MNT: variants seen among roughly 807,000 people sequenced by gnomAD.
The protein encoded by MNT is max-binding protein MNT.
In MNT, 13 loss-of-function variants were observed where a neutral mutation model predicts 40.7. The observed-to-expected ratio is 0.32, with a 90% CI of 0.21 to 0.51. The LOEUF is 0.51. Ranked by LOEUF, MNT falls within the 20% of genes least tolerant of loss-of-function variation. The probability of loss-of-function intolerance (pLI) is 0.98; values close to 1 mark genes in which losing one functional copy is unlikely to be tolerated. For missense variants in MNT, 757 were observed against 792.0 expected, an observed-to-expected ratio of 0.96 and a Z score of 0.53; for synonymous variants, 426 against 354.8, an observed-to-expected ratio of 1.20 and a Z score of -2.26.
At chr17:2,392,738 TGCACCGCCCTCCGCGACTCGAGA>T (rs1347755090) in intron 4 of MNT, 3 of 151,678 alleles carry the variant, frequency 2.0e-5, no homozygotes, top group East Asian at 1.9e-4. Flanking sequence ...CCTCGCCGGC[TGCACCGCCCTCCGCGACTCGAGA>T]GCACCGCCCC....
intron 3 of MNT, 45 bp from the exon 4 acceptor site, chr17:2,394,199 C>T: frequency 7.4e-6 from 11 of 1,482,540 alleles, no homozygotes; most frequent in Non-Finnish European, 1.0e-5. Context: ...TGGGGCGGGG[C>T]TGGGACGGGG....
At chr17:2,399,001 TCC>T (rs1007338875) in intron 1 of MNT, among the ~76,000 whole-genome samples, 3 of 108,876 alleles carry the variant, frequency 2.8e-5, no homozygotes, top group African/African-American at 1.1e-4. Context: ...CCGCTGCCGC[TCC>T]CCCCTTCCCC....
chr17:2,399,225 C>T (rs780590593), intron 1 of MNT, among the ~76,000 whole-genome samples: 2 of 152,092 alleles, frequency 1.3e-5, no homozygotes, highest in Non-Finnish European at 1.5e-5. Context: ...CGTTCCAGAG[C>T]CGAGGCCCTG....
At chr17:2,399,388 C>A (rs536642496) in intron 1 of MNT, among the ~76,000 whole-genome samples, 2 of 152,326 alleles carry the variant, frequency 1.3e-5, no homozygotes, top group South Asian at 4.1e-4. Flanking sequence ...CTGGCTCATT[C>A]CAGCGTGGCC....
intron 1 of MNT, among the ~76,000 whole-genome samples, chr17:2,397,060 G>C (rs750123196): frequency 2.2e-4 from 33 of 152,306 alleles, no homozygotes; most frequent in Non-Finnish European, 3.4e-4. Flanking sequence ...GGAAGCGGAG[G>C]GGGAAGCGTC....
rs2066569872 is a variant in MNT, at chr17:2,395,416, GCT to G, written c.110_111del (p.Glu37AlafsTer8). 6.2e-7 allele frequency: 1 copy of G among 1,613,326 alleles called. No homozygotes were observed. Among genetic ancestry groups the G allele is most frequent in the African/African-American group, 1.3e-5 (1 of 74,816 alleles). On this transcript the variant is annotated frameshift_variant, in exon 2 of 6. Coordinates refer to ENST00000174618, the MANE Select transcript of MNT (RefSeq NM_020310.3). LOFTEE classifies it high-confidence loss of function. The stretch of plus-strand genomic sequence containing the variant: ...AGGCTATTGGCCTTCTTCTGTTCCT[GCT>G]CTCGCTCCTGCTCCAAGCGAAGCCG... ...QERLRLEQER[E>X]QEQKKANSLA...
In MNT at chr17:2,387,368, C is replaced by A. The variant is rs2066473954; in HGVS notation, c.1282G>T (p.Ala428Ser). 6.2e-7 allele frequency: 1 copy of A among 1,612,056 alleles called. No individual in the cohort carries two copies. Among genetic ancestry groups the A allele is most frequent in the Non-Finnish European group, 8.5e-7 (1 of 1,179,364 alleles). The change falls in exon 6 of 6, where the codon GCC becomes TCC. Residue 428 changes from alanine (A) to serine (S), a missense_variant. This residue lies in a region of MNT where 345 missense variants were observed against 380.1 expected (regional missense o/e 0.91). Coordinates refer to ENST00000174618, the MANE Select transcript of MNT (RefSeq NM_020310.3). ...APAQTLVPAP[A>S]HLVATAGGGS... ...CCCCCAGCCGTCGCCACCAGATGGG[C>A]TGGAGCTGGCACCAGTGTCTGGGCA...
rs1387929862 is a variant in MNT, at chr17:2,400,860, G to A, written c.-148C>T. On this transcript the variant is annotated 5_prime_UTR_variant, in exon 1 of 6. Transcript: ENST00000174618. ...CGCAGCGCACTCCGCAGGGAAGAAC[G>A]GGGGAGCACGGGGAGAAAAATCAAT... 1.5e-5 allele frequency: 7 copies of A among 466,852 alleles called. No individual in the cohort carries two copies. Among genetic ancestry groups the A allele is most frequent in the African/African-American group, 1.4e-4 (7 of 48,866 alleles). The allele number at this position is 466,852 out of a possible 1,614,324, so 28.9% of individuals were successfully genotyped here. A position where few individuals can be genotyped will look rare whatever the true frequency, so the allele number is the denominator to read the frequency against.
intron 4 of MNT, chr17:2,389,301 G>T (rs973248159): frequency 6.6e-6 from 1 of 151,494 alleles, no homozygotes; most frequent in Admixed American, 6.6e-5. Flanking sequence ...TTCCAACAGA[G>T]TTTCGCTCTT....
intron 4 of MNT, among the ~76,000 whole-genome samples, chr17:2,392,385 C>T (rs1567867116): frequency 6.6e-6 from 1 of 152,236 alleles, no homozygotes; most frequent in Non-Finnish European, 1.5e-5. Flanking sequence ...CAAGAGCTTC[C>T]TTCTGCGGCT....
At chr17:2,390,664 A>AG (rs775188944) in intron 4 of MNT, 12 of 152,062 alleles carry the variant, frequency 7.9e-5, no homozygotes, top group South Asian at 6.2e-4. Flanking sequence ...CTGCACTAGG[A>AG]GCAGTTTTGC....
At chr17:2,395,688 G>C (rs975617316) in intron 1 of MNT, among the ~76,000 whole-genome samples, 10 of 151,772 alleles carry the variant, frequency 6.6e-5, no homozygotes, top group Non-Finnish European at 1.2e-4. Context: ...ACAGTCACGG[G>C]GGCTGACAGT....
chr17:2,393,197 T>G (rs1333396970), intron 4 of MNT, among the ~76,000 whole-genome samples: 10 of 136,014 alleles, frequency 7.4e-5, no homozygotes, highest in African/African-American at 1.6e-4. Flanking sequence ...CGGCTCCGCG[T>G]CTCCGCGGCT....
In MNT at chr17:2,384,616, G is replaced by GTGTA; in HGVS notation, c.*2284_*2285insTACA. ...TGCGTGCGTGTGTGTGTGTGTGTGTGTGTGTGTGTGTCCCAGGCTGGAAGG... is the reference window on the plus strand; with the variant it reads ...TGCGTGCGTGTGTGTGTGTGTGTGTGTGTATGTGTGTGTGTCCCAGGCTGGAAGG... On this transcript the variant is annotated 3_prime_UTR_variant, in exon 6 of 6. Transcript: ENST00000174618. 1.3e-5 allele frequency: 2 copies of GTGTA among 153,836 alleles called. No individual in the cohort carries two copies. Among genetic ancestry groups the GTGTA allele is most frequent in the Non-Finnish European group, 2.9e-5 (2 of 69,180 alleles). 9.5% of individuals were successfully genotyped at this position (153,836 alleles called of 1,614,324 possible).
chr17:2,387,081 G>A lies in MNT; in HGVS notation c.1569C>T (p.Thr523=), dbSNP rs1213326402. ...TGCCGTTGACTTGCTGGTGCGAGAG[G>A]GTGTGGGCGATGTGGCTCACTGCCA... ...QPVAVSHIAH[T]LSHQQVNGTA... The change falls in exon 6 of 6, where the codon ACC becomes ACT. Residue 523 remains threonine (T), a synonymous_variant. Coordinates refer to ENST00000174618, the MANE Select transcript of MNT (RefSeq NM_020310.3). 9 of 1,571,676 alleles carry A rather than the reference G, an allele frequency of 5.7e-6. No individual in the cohort carries two copies. The highest frequency in any genetic ancestry group is 2.3e-5 in the East Asian group (1 of 42,944).
At chr17:2,398,371 C>G (rs1054142888) in intron 1 of MNT, among the ~76,000 whole-genome samples, 1 of 152,180 alleles carries the variant, frequency 6.6e-6, no homozygotes, top group Non-Finnish European at 1.5e-5. Context: ...GGTCAGAAAC[C>G]CATGCTTGCG....
intron 1 of MNT, among the ~76,000 whole-genome samples, chr17:2,400,015 T>G (rs1444509726): frequency 2.6e-5 from 4 of 152,128 alleles, no homozygotes; most frequent in African/African-American, 7.2e-5. Flanking sequence ...GCCAGGATCA[T>G]AAGACACGCG....
chr17:2,393,936 C>G, intron 4 of MNT, 107 bp downstream of exon 4: 1 of 643,142 alleles, frequency 1.6e-6, no homozygotes, highest in Non-Finnish European at 2.3e-6. Context: ...GGGAGGGAGG[C>G]GCGGGGGAGC....
chr17:2,392,369 G>A (rs992232563), intron 4 of MNT, among the ~76,000 whole-genome samples: 24 of 152,176 alleles, frequency 1.6e-4, no homozygotes, highest in Admixed American at 1.3e-4. Context: ...ACCGGGCCCA[G>A]CTCCTCAAGA....
Sources: allele counts gnomAD v4.1 joint callset (sites outside exome capture counted in the v4.1 genomes callset), GRCh38; gene constraint gnomAD v4.1.1; regional missense constraint gnomAD v4.1.1; transcripts MANE v1.5; gene names NCBI Gene and HGNC (gene_info 2026-07-23, HGNC 2026-07-21).